Variants in CD320 observed in about 807,000 individuals in gnomAD.
The protein encoded by CD320 is CD320 antigen.
CD320 carries 16 observed loss-of-function variants against 22.1 expected under a neutral mutation model. The ratio of observed to expected loss-of-function variants is 0.73; its 90% CI spans 0.49 to 1.10. The LOEUF (loss-of-function observed/expected upper bound fraction) is 1.10, where lower values mean the gene tolerates loss of function less well. Among genes scored for constraint, CD320 ranks in the 50% least tolerant of loss-of-function variants. CD320 has a pLI of 0.00. For synonymous variants in CD320, 188 were observed against 167.8 expected, an observed-to-expected ratio of 1.12 and a Z score of -0.93; for missense variants, 388 against 376.9, an observed-to-expected ratio of 1.03 and a Z score of -0.24.
At position 8,308,248 on chromosome 19, in the gene CD320, C is replaced by T; in HGVS notation, c.43G>A (p.Gly15Arg). Residue 15 changes from glycine to arginine, a missense_variant, in exon 1 of 5, where the codon GGG (glycine) becomes AGG (arginine). Transcript: ENST00000301458. Reference sequence around the variant, plus strand: ...AGCAGCAGCGCCAGGCCCAGAGCCCCTGTTCGCCACGCTCCAACCTGCGCC... The same window carrying T: ...AGCAGCAGCGCCAGGCCCAGAGCCCTTGTTCGCCACGCTCCAACCTGCGCC... ...WMAQVGAWRT[G>R]ALGLALLLLL... is the part of the protein sequence containing the mutation. 6.3e-7 allele frequency: 1 copy of T among 1,583,774 alleles called. No homozygotes were observed. Among genetic ancestry groups the T allele is most frequent in the South Asian group, 1.1e-5 (1 of 88,730 alleles).
rs552014497 is a variant in CD320 at position 8,308,046 on chromosome 19, T to C, written c.142+103A>G. ...AAGTCCACGTGCTGGGGGAGTGTCA[T>C]GAACTGACGTGCGGTGCAGCCAGTG... On this transcript the variant is annotated intron_variant, in intron 1 of 4. Transcript: ENST00000301458. 1.3e-4 allele frequency: 154 copies of C among 1,181,356 alleles called. 2 individuals are homozygous for C. In the African/African-American group the frequency reaches 2.1e-3, roughly 16 times the overall value. The allele number at this position is 1,181,356 out of a possible 1,614,324, so 73.2% of individuals were successfully genotyped here.
intron 2 of CD320, 101 bp downstream of exon 2, chr19:8,304,930 C>T (rs1416982562): frequency 1.4e-6 from 2 of 1,426,404 alleles, no homozygotes; most frequent in African/African-American, 2.8e-5. Flanking sequence ...TCCCTGCGGC[C>T]CTGCCTTTCC....
chr19:8,303,067 A>G, intron 3 of CD320, 87 bp from the exon 4 acceptor site: 1 of 1,034,812 alleles, frequency 9.7e-7, no homozygotes, highest in Non-Finnish European at 1.5e-6. Context: ...CTTGGGGTTT[A>G]TCCTCAACCA....
Position 8,305,098 on chromosome 19 carries a change from G to T in CD320, c.201C>A (p.Cys67Ter). ...TKFQCRTSGL[C>*]VPLTWRCDRD... is the part of the protein sequence containing the mutation. ...TGTCGCAGCGCCAGGTGAGGGGCAC[G>T]CATAAGCCACTGGTGCGGCACTGGA... Residue 67 changes from cysteine (C) to a stop codon, truncating the protein, a stop_gained, in exon 2 of 5, where the codon TGC becomes TGA. Transcript: ENST00000301458. LOFTEE classifies it high-confidence loss of function. 6.2e-7 allele frequency: 1 copy of T among 1,612,886 alleles called. No homozygotes were observed.
At position 8,305,089 on chromosome 19, in the gene CD320, G is replaced by A. The variant is rs780676013; in HGVS notation, c.210C>T (p.Leu70=). 2.1e-5 allele frequency: 34 copies of A among 1,612,916 alleles called. No homozygotes were observed. The highest frequency in any genetic ancestry group is 2.6e-5 in the Non-Finnish European group (31 of 1,179,930). ...QCRTSGLCVP[L]TWRCDRDLDC... ...CCAAGTCCCTGTCGCAGCGCCAGGT[G>A]AGGGGCACGCATAAGCCACTGGTGC... Residue 70 remains leucine, a synonymous_variant, in exon 2 of 5, where the codon CTC becomes CTT. Coordinates refer to ENST00000301458, the MANE Select transcript of CD320 (RefSeq NM_016579.4).
intron 1 of CD320, chr19:8,305,726 G>C (rs2145379290): frequency 6.5e-6 from 1 of 154,052 alleles, no homozygotes; most frequent in Admixed American, 6.4e-5. Flanking sequence ...AAAAAAAAAA[G>C]AGCTGGTAGC....
Position 8,308,218 on chromosome 19 carries a change from G to A in CD320, c.73C>T (p.Leu25Phe), listed in dbSNP as rs1970125551. The A allele has an allele frequency of 1.3e-6, 2 of 1,570,002 alleles. No individual in the cohort carries two copies. Among genetic ancestry groups the A allele is most frequent in the East Asian group, 2.3e-5 (1 of 43,028 alleles). ...GALGLALLLL[L>F]GLGLGLEAAA... ...GCCTCCAGGCCTAGTCCGAGGCCGA[G>A]CAGCAGCAGCAGCGCCAGGCCCAGA... The change falls in exon 1 of 5, where the codon CTC becomes TTC. Residue 25 changes from leucine (L) to phenylalanine (F), a missense_variant. Transcript: ENST00000301458.
chr19:8,308,231 C>T lies in CD320; in HGVS notation c.60G>A (p.Ala20=), dbSNP rs1419218915. ...GAWRTGALGL[A]LLLLLGLGLG... ...GTCCGAGGCCGAGCAGCAGCAGCAG[C>T]GCCAGGCCCAGAGCCCCTGTTCGCC... Residue 20 remains alanine (A), a synonymous_variant, in exon 1 of 5, where the codon GCG becomes GCA. Transcript: ENST00000301458. 6.3e-7 allele frequency: 1 copy of T among 1,579,284 alleles called. No individual in the cohort carries two copies. Among genetic ancestry groups the T allele is most frequent in the Admixed American group, 1.7e-5 (1 of 57,476 alleles).
At chr19:8,306,129 T>G (rs965794385) in intron 1 of CD320, among the ~76,000 whole-genome samples, 1 of 152,002 alleles carries the variant, frequency 6.6e-6, no homozygotes, top group Admixed American at 6.6e-5. Flanking sequence ...TTTCCCTCTC[T>G]CCTCCCTACA....
chr19:8,303,027 G>A (rs746125718), intron 3 of CD320, 47 bp from the exon 4 acceptor site: 1 of 1,540,384 alleles, frequency 6.5e-7, no homozygotes, highest in Non-Finnish European at 8.9e-7. Flanking sequence ...AGCACTGAAG[G>A]CGTGAGGGGG....
chr19:8,304,027 G>C lies in CD320; in HGVS notation c.330C>G (p.Cys110Trp), dbSNP rs776439222. ...CPPPPGLPCP[C>W]TGVSDCSGGT... is the part of the protein sequence containing the mutation. ...CCCCAGAGCAGTCACTGACGCCGGTGCAGGGGCAGGGGAGGCCAGGGGGCG... is the reference window on the plus strand; with the variant it reads ...CCCCAGAGCAGTCACTGACGCCGGTCCAGGGGCAGGGGAGGCCAGGGGGCG... Residue 110 changes from cysteine to tryptophan, a missense_variant, in exon 3 of 5, where the codon TGC becomes TGG. Coordinates refer to ENST00000301458, the MANE Select transcript of CD320 (RefSeq NM_016579.4). 1.9e-6 allele frequency: 3 copies of C among 1,563,644 alleles called. No homozygotes were observed. The East Asian group carries it at 7.2e-5, about 37-fold the overall frequency.
At chr19:8,305,448 C>A in intron 1 of CD320, 2 of 370,036 alleles carry the variant, frequency 5.4e-6, no homozygotes, top group Non-Finnish European at 1.1e-5. Flanking sequence ...TGGCTCACGC[C>A]TGTAATCTCA....
At chr19:8,307,325 C>T (rs942259447) in intron 1 of CD320, among the ~76,000 whole-genome samples, 1 of 136,426 alleles carries the variant, frequency 7.3e-6, no homozygotes, top group African/African-American at 2.9e-5. Flanking sequence ...TTAACGTGAA[C>T]GCTGCCTCCT....
chr19:8,308,062 G>A (rs1349356686), intron 1 of CD320, 87 bp downstream of exon 1: 1 of 1,275,692 alleles, frequency 7.8e-7, no homozygotes, highest in Non-Finnish European at 1.0e-6. Flanking sequence ...GACGTGCGGT[G>A]CAGCCAGTGA....
Position 8,302,441 on chromosome 19 carries a change from CGGT to C in CD320, c.*19_*21del. 1 of 1,614,012 alleles carries C rather than the reference CGGT, an allele frequency of 6.2e-7. No individual in the cohort carries two copies. The highest frequency in any genetic ancestry group is 8.5e-7 in the Non-Finnish European group (1 of 1,179,972). ...TCCGGCTACGCCCAGGGCTGAGTGACGGTGGTGGCAAGTGCTTGTCCTCAGGGC... is the reference window on the plus strand; with the variant it reads ...TCCGGCTACGCCCAGGGCTGAGTGACGGTGGCAAGTGCTTGTCCTCAGGGC... On this transcript the variant is annotated 3_prime_UTR_variant, in exon 5 of 5. Transcript: ENST00000301458.
At position 8,302,441 on chromosome 19, in the gene CD320, C is replaced by T. The variant is rs761560297; in HGVS notation, c.*22G>A. 5.5e-5 allele frequency: 88 copies of T among 1,613,894 alleles called. No individual in the cohort carries two copies. Among genetic ancestry groups the T allele is most frequent in the Admixed American group, 1.2e-4 (7 of 60,006 alleles). ...TCCGGCTACGCCCAGGGCTGAGTGA[C>T]GGTGGTGGCAAGTGCTTGTCCTCAG... On this transcript the variant is annotated 3_prime_UTR_variant, in exon 5 of 5. Coordinates refer to ENST00000301458, the MANE Select transcript of CD320 (RefSeq NM_016579.4).
chr19:8,302,882 GC>G lies in CD320; in HGVS notation c.600del (p.Pro202LeufsTer2). ...VTSLRNATTM[G>X]PPVTLESVPS... ...GGGACACTCTCCAGGGTCACAGGGG[GC>G]CCCATGGTTGTGGCATTCCTGAGAG... is the stretch of plus-strand genomic sequence containing the variant. On this transcript the variant is annotated frameshift_variant, in exon 4 of 5. Coordinates refer to ENST00000301458, the MANE Select transcript of CD320 (RefSeq NM_016579.4). LOFTEE classifies it high-confidence loss of function. 6.2e-7 allele frequency: 1 copy of G among 1,614,016 alleles called. No homozygotes were observed.
At chr19:8,303,093 G>T in intron 3 of CD320, 113 bp from the exon 4 acceptor site, 1 of 607,176 alleles carries the variant, frequency 1.6e-6, no homozygotes, top group Non-Finnish European at 2.7e-6. Context: ...GCTGGGTGAA[G>T]CTGACTGCCC....
chr19:8,303,562 G>A (rs1970041312), intron 3 of CD320, among the ~76,000 whole-genome samples: 1 of 152,216 alleles, frequency 6.6e-6, no homozygotes, highest in Non-Finnish European at 1.5e-5. Flanking sequence ...ACAGGTGTGT[G>A]CCACCATGCC....
Sources: gnomAD v4.1 joint callset for allele counts (sites outside exome capture counted in the v4.1 genomes callset) on GRCh38, gnomAD v4.1.1 for gene constraint, MANE v1.5 for transcripts, NCBI Gene and HGNC (gene_info 2026-07-23, HGNC 2026-07-21) for gene names.